CLTA: variants seen among roughly 807,000 people sequenced by gnomAD.
CLTA encodes clathrin light chain A.
In CLTA, 9 loss-of-function variants were observed where a neutral mutation model predicts 26.9. That is an observed-to-expected ratio of 0.33 (90% CI 0.20 to 0.58). CLTA has a LOEUF of 0.58. Among genes scored for constraint, CLTA ranks in the 20% least tolerant of loss-of-function variants. The pLI is 0.85. For missense variants in CLTA, 278 were observed against 294.2 expected, an observed-to-expected ratio of 0.94 and a Z score of 0.40; for synonymous variants, 120 against 115.5, an observed-to-expected ratio of 1.04 and a Z score of -0.25.
intron 1 of CLTA, among the ~76,000 whole-genome samples, chr9:36,193,812 G>T (rs906463429): frequency 2.0e-5 from 3 of 152,200 alleles, no homozygotes; most frequent in Non-Finnish European, 2.9e-5. Flanking sequence ...GTTGTTAAGA[G>T]ATCCAGAAAA....
chr9:36,203,785 G>GACAAA (rs1827560679), intron 3 of CLTA, among the ~76,000 whole-genome samples: 1 of 152,098 alleles, frequency 6.6e-6, no homozygotes, highest in Non-Finnish European at 1.5e-5. Flanking sequence ...CCCAAAACAA[G>GACAAA]ACAAAACAAA....
chr9:36,208,702 C>T (rs752108011), intron 4 of CLTA, among the ~76,000 whole-genome samples: 29 of 152,206 alleles, frequency 1.9e-4, no homozygotes, highest in Non-Finnish European at 3.7e-4. Context: ...GGCAGCATTC[C>T]TGCCCAGTGC....
At chr9:36,200,024 T>G (rs1339468405) in intron 3 of CLTA, among the ~76,000 whole-genome samples, 2 of 152,192 alleles carry the variant, frequency 1.3e-5, no homozygotes, top group East Asian at 3.8e-4. Flanking sequence ...AAACATTTAA[T>G]GTGCGTGGCC....
rs1828065383 is a variant in CLTA, at chr9:36,211,854, A to G, written c.*80A>G. 1 of 1,227,506 alleles carries G rather than the reference A, an allele frequency of 8.1e-7. No individual in the cohort carries two copies. The highest frequency in any genetic ancestry group is 1.5e-5 in the African/African-American group (1 of 66,392). 76.0% of individuals were successfully genotyped at this position (1,227,506 alleles called of 1,614,324 possible). On this transcript the variant is annotated 3_prime_UTR_variant, in exon 5 of 5. Coordinates refer to ENST00000345519, the MANE Select transcript of CLTA (RefSeq NM_001833.4). ...GCTCTTCACAGTCATTGGATTAATTATGTTGAGTTCTTTTGGACCAAACCT... is the reference window on the plus strand; with the variant it reads ...GCTCTTCACAGTCATTGGATTAATTGTGTTGAGTTCTTTTGGACCAAACCT...
chr9:36,206,360 T>G (rs1320036333), intron 4 of CLTA, among the ~76,000 whole-genome samples: 1 of 152,134 alleles, frequency 6.6e-6, no homozygotes, highest in African/African-American at 2.4e-5. Context: ...GAGATGGTTT[T>G]TACAGTTTAT....
chr9:36,203,430 CCT>C (rs1827536144), intron 3 of CLTA, among the ~76,000 whole-genome samples: 1 of 152,182 alleles, frequency 6.6e-6, no homozygotes, highest in African/African-American at 2.4e-5. Flanking sequence ...GCTTTGTGGT[CCT>C]CTCTAGTGCT....
chr9:36,205,524 G>T (rs1295117302), intron 4 of CLTA, among the ~76,000 whole-genome samples: 1 of 152,116 alleles, frequency 6.6e-6, no homozygotes, highest in East Asian at 1.9e-4. Context: ...CCCAGCCTGC[G>T]ACCCCAGCAT....
Position 36,199,023 on chromosome 9 carries a change from G to A in CLTA, c.300G>A (p.Val100=), listed in dbSNP as rs1827241367. 1 of 1,613,868 alleles carries A rather than the reference G, an allele frequency of 6.2e-7. No homozygotes were observed. The highest frequency in any genetic ancestry group is 1.3e-5 in the African/African-American group (1 of 74,924). Residue 100 remains valine (V), a synonymous_variant, in exon 3 of 5, where the codon GTG becomes GTA. Transcript: ENST00000345519. ...ACAGTTATGCAGCTATTTCACAAGT[G>A]GATCGATTGCAGTCAGAGCCTGAAA... is the stretch of plus-strand genomic sequence containing the variant. ...PTDSYAAISQ[V]DRLQSEPESI...
At position 36,191,061 on chromosome 9, in the gene CLTA, C is replaced by T. The variant is rs751064824; in HGVS notation, c.5C>T (p.Ala2Val). 6.4e-7 allele frequency: 1 copy of T among 1,556,110 alleles called. No homozygotes were observed. The highest frequency in any genetic ancestry group is 8.6e-7 in the Non-Finnish European group (1 of 1,161,800). ...CGTGCCGTTCAGTTGCCCGCCATGG[C>T]TGAGCTGGATCCGTTCGGCGCCCCT... M[A>V]ELDPFGAPAG... The change falls in exon 1 of 5, where the codon GCT becomes GTT. Residue 2 changes from alanine (A) to valine (V), a missense_variant. Ala to Val is a moderately conservative substitution (Grantham distance 64). Coordinates refer to ENST00000345519, the MANE Select transcript of CLTA (RefSeq NM_001833.4).
intron 4 of CLTA, among the ~76,000 whole-genome samples, chr9:36,205,733 C>G (rs1827680490): frequency 6.8e-6 from 1 of 146,176 alleles, no homozygotes; most frequent in Non-Finnish European, 1.5e-5. Flanking sequence ...ATCCGTTGTT[C>G]TCAGAGGGAG....
chr9:36,191,352 A>G, intron 1 of CLTA, 79 bp downstream of exon 1: 1 of 1,387,872 alleles, frequency 7.2e-7, no homozygotes, highest in South Asian at 1.5e-5. Flanking sequence ...CTTCTGTGTG[A>G]CTCGTGCTCC....
intron 4 of CLTA, among the ~76,000 whole-genome samples, chr9:36,205,361 CTGT>C (rs916849808): frequency 6.6e-6 from 1 of 152,074 alleles, no homozygotes; most frequent in Non-Finnish European, 1.5e-5. Flanking sequence ...CTACGTGGGG[CTGT>C]TGTTGAGCCT....
intron 1 of CLTA, among the ~76,000 whole-genome samples, chr9:36,194,465 T>A (rs1563906300): frequency 6.6e-6 from 1 of 152,234 alleles, no homozygotes; most frequent in Non-Finnish European, 1.5e-5. Context: ...TACTGCACAT[T>A]TGCTGTATAC....
At chr9:36,202,896 A>G (rs1361454664) in intron 3 of CLTA, among the ~76,000 whole-genome samples, 1 of 150,692 alleles carries the variant, frequency 6.6e-6, no homozygotes, top group Non-Finnish European at 1.5e-5. Flanking sequence ...ATCTCAGCTC[A>G]CTGCAACCTC....
intron 3 of CLTA, among the ~76,000 whole-genome samples, chr9:36,199,338 G>A: frequency 6.6e-6 from 1 of 152,142 alleles, no homozygotes; most frequent in East Asian, 1.9e-4. Context: ...TAGTGATGCT[G>A]CTCCTGACCT....
At chr9:36,206,666 G>A (rs544698814) in intron 4 of CLTA, among the ~76,000 whole-genome samples, 28 of 152,132 alleles carry the variant, frequency 1.8e-4, no homozygotes, top group Non-Finnish European at 1.0e-4. Flanking sequence ...AGGCTGAGGC[G>A]GGCAGATCAC....
At chr9:36,205,296 C>T (rs1300314918) in intron 4 of CLTA, among the ~76,000 whole-genome samples, 1 of 152,152 alleles carries the variant, frequency 6.6e-6, no homozygotes, top group Non-Finnish European at 1.5e-5. Context: ...CCCAGTCCCA[C>T]AGGACTGCTC....
intron 4 of CLTA, chr9:36,209,386 T>G: frequency 8.2e-7 from 1 of 1,221,852 alleles, no homozygotes; most frequent in Non-Finnish European, 1.2e-6. Flanking sequence ...GAGTTAATGC[T>G]CCTTTTATGT....
At chr9:36,197,705 T>C in intron 2 of CLTA, 117 bp downstream of exon 2, 1 of 716,500 alleles carries the variant, frequency 1.4e-6, no homozygotes, top group South Asian at 1.8e-5. Context: ...AATGTATTAC[T>C]GGCTGGTGTG....
Sources: gnomAD v4.1 joint callset for allele counts (sites outside exome capture counted in the v4.1 genomes callset) on GRCh38, gnomAD v4.1.1 for gene constraint, MANE v1.5 for transcripts, NCBI Gene and HGNC (gene_info 2026-07-23, HGNC 2026-07-21) for gene names.